Variants in WDR59 observed in about 807,000 individuals in gnomAD.
The protein encoded by WDR59 is GATOR2 complex protein WDR59.
A neutral mutation model predicts 131.2 loss-of-function variants in WDR59; 100 were observed. The ratio of observed to expected loss-of-function variants is 0.76; its 90% CI spans 0.65 to 0.90. The LOEUF is 0.90. WDR59 is among the 40% of genes least tolerant of loss of function. The probability of loss-of-function intolerance (pLI) is 0.00; values close to 1 mark genes in which losing one functional copy is unlikely to be tolerated. For missense variants in WDR59, 1,203 were observed against 1,262.2 expected (o/e 0.95, Z 0.71); for synonymous variants, 601 against 466.2 (o/e 1.29, Z -3.72).
rs781297127 is a variant in WDR59, at chr16:74,956,577, G to C, written c.138C>G (p.Ala46=). Residue 46 remains alanine, a synonymous_variant, in exon 3 of 26, where the codon GCC becomes GCG. Coordinates refer to ENST00000262144, the MANE Select transcript of WDR59 (RefSeq NM_030581.4). ...RRFLYIVNLD[A]PFEGHRKISR... is the part of the protein sequence containing the mutation. ...AGATCTTTCGGTGACCTTCGAAAGG[G>C]GCATCTAGATTGACGATGTATAAGA... 6.2e-7 allele frequency: 1 copy of C among 1,614,026 alleles called. No individual in the cohort carries two copies. The highest frequency in any genetic ancestry group is 8.5e-7 in the Non-Finnish European group (1 of 1,180,002).
At chr16:74,902,358 T>G (rs1013781844) in intron 18 of WDR59, among the ~76,000 whole-genome samples, 5 of 152,164 alleles carry the variant, frequency 3.3e-5, no homozygotes, top group African/African-American at 1.2e-4. Context: ...TCCACTCCCC[T>G]GCAGATACTA....
intron 8 of WDR59, among the ~76,000 whole-genome samples, chr16:74,926,929 T>C (rs775904597): frequency 1.3e-5 from 2 of 152,196 alleles, no homozygotes; most frequent in Non-Finnish European, 2.9e-5. Context: ...GAGTTCTATG[T>C]GCCAACAATG....
chr16:74,874,248 G>A lies in WDR59; in HGVS notation c.2886C>T (p.Thr962=), dbSNP rs61733724. 6,702 of 1,614,102 alleles carry A rather than the reference G, an allele frequency of 4.2e-3. 163 individuals are homozygous for A. In the African/African-American group the frequency reaches 0.058, roughly 14 times the overall value. Residue 962 remains threonine, a synonymous_variant, in exon 26 of 26, where the codon ACC becomes ACT. Coordinates refer to ENST00000262144, the MANE Select transcript of WDR59 (RefSeq NM_030581.4). ...CAAGCAGGCAGTGGCACCCACACCC[G>A]GTGGGACACACCTCCTGGGTCCGAA... ...EWFRTQEVCP[T]GCGCHCLLES...
At chr16:74,917,691 C>T (rs1477663573) in intron 11 of WDR59, among the ~76,000 whole-genome samples, 1 of 151,434 alleles carries the variant, frequency 6.6e-6, no homozygotes, top group Non-Finnish European at 1.5e-5. Flanking sequence ...CGCCTATAAT[C>T]CCAGCTACTC....
chr16:74,984,148 GCA>G (rs1351964036), intron 1 of WDR59, among the ~76,000 whole-genome samples: 1 of 151,946 alleles, frequency 6.6e-6, no homozygotes, highest in Non-Finnish European at 1.5e-5. Flanking sequence ...GTGGTGGTGC[GCA>G]CCTGTAATCC....
intron 1 of WDR59, among the ~76,000 whole-genome samples, chr16:74,973,607 C>T (rs950847935): frequency 2.0e-5 from 3 of 152,164 alleles, no homozygotes; most frequent in South Asian, 2.1e-4. Context: ...CTGAGCCATC[C>T]TTGTCTAATA....
At chr16:74,939,268 AT>A (rs1231165193) in intron 7 of WDR59, among the ~76,000 whole-genome samples, 1 of 152,142 alleles carries the variant, frequency 6.6e-6, no homozygotes, top group African/African-American at 2.4e-5. Flanking sequence ...TAAGGGAATA[AT>A]CCAAACTCAC....
intron 13 of WDR59, among the ~76,000 whole-genome samples, chr16:74,914,237 A>G (rs1315969609): frequency 6.6e-6 from 1 of 152,140 alleles, no homozygotes; most frequent in African/African-American, 2.4e-5. Context: ...GATGAACTTT[A>G]TACTGTGTGA....
intron 17 of WDR59, among the ~76,000 whole-genome samples, chr16:74,905,913 G>C (rs1345352058): frequency 6.6e-6 from 1 of 151,714 alleles, no homozygotes; most frequent in Non-Finnish European, 1.5e-5. Flanking sequence ...CCCCAAAATG[G>C]GCAAAATACT....
rs578113699 is a variant in WDR59 at position 74,906,803 on chromosome 16, A to C, written c.1712+2105T>G. Among the ~76,000 whole-genome samples the C allele has an allele frequency of 9.2e-5, 14 of 152,308 alleles. No homozygotes were observed. The East Asian group carries it at 2.7e-3, about 29-fold the overall frequency. On this transcript the variant is annotated intron_variant, in intron 17 of 25. Transcript: ENST00000262144. ...TTCAAGAACAGGCAAAACTACCATG[A>C]CAGAAGTCAAGAGAGTGGTGTCCTC... is the stretch of plus-strand genomic sequence containing the variant.
intron 3 of WDR59, among the ~76,000 whole-genome samples, chr16:74,953,979 G>T (rs181023844): frequency 1.3e-5 from 2 of 148,814 alleles, no homozygotes; most frequent in African/African-American, 5.0e-5. Context: ...TCCAGCCTGG[G>T]TGACAGAGCG....
chr16:74,896,633 T>TAAAA (rs554333270), intron 18 of WDR59, among the ~76,000 whole-genome samples: 1 of 138,838 alleles, frequency 7.2e-6, no homozygotes, highest in Admixed American at 7.3e-5. Flanking sequence ...AGACCCTGCC[T>TAAAA]AAAAAAAAAA....
Position 74,962,299 on chromosome 16 carries a change from A to G in WDR59, c.104+3474T>C, listed in dbSNP as rs547240549. 8.7e-4 allele frequency among the ~76,000 whole-genome samples: 133 copies of G among 152,158 alleles called. 2 individuals are homozygous for G. The highest frequency in any genetic ancestry group is 4.4e-3 in the Admixed American group (67 of 15,248). The stretch of plus-strand genomic sequence containing the variant: ...TCTTTTTGGGTTCCGTATGAATTTC[A>G]TAGTTTTTCTAATTCTGTGAAGAAT... On this transcript the variant is annotated intron_variant, in intron 2 of 25. Transcript: ENST00000262144.
chr16:74,910,664 A>C (rs1333320028), intron 14 of WDR59, among the ~76,000 whole-genome samples: 10 of 152,200 alleles, frequency 6.6e-5, no homozygotes, highest in Admixed American at 6.5e-4. Flanking sequence ...TGTCCTTCAA[A>C]AGTATAAATC....
chr16:74,937,875 A>T (rs2031925485), intron 8 of WDR59, among the ~76,000 whole-genome samples: 1 of 152,252 alleles, frequency 6.6e-6, no homozygotes, highest in Admixed American at 6.5e-5. Context: ...CCTTCTGAAC[A>T]AATTCTAAGA....
In WDR59 at chr16:74,885,733, A is replaced by G. The variant is rs1009340735; in HGVS notation, c.2609T>C (p.Leu870Pro). ...DDFKKCYGEI[L>P]YRWGLREKRA... is the part of the protein sequence containing the mutation. ...CTTCTCTCTCAGACCCCAACGGTAG[A>G]GGATTTCCCCATAGCATTTCTTAAA... Residue 870 changes from leucine to proline, a missense_variant, in exon 25 of 26, where the codon CTC becomes CCC. Leu to Pro is a moderately conservative substitution (Grantham distance 98). Transcript: ENST00000262144. The G allele has an allele frequency of 1.9e-6, 3 of 1,614,062 alleles. No individual in the cohort carries two copies. Among genetic ancestry groups the G allele is most frequent in the Non-Finnish European group, 2.5e-6 (3 of 1,180,048 alleles).
At chr16:74,960,461 T>C (rs1246266195) in intron 2 of WDR59, among the ~76,000 whole-genome samples, 1 of 150,198 alleles carries the variant, frequency 6.7e-6, no homozygotes, top group Non-Finnish European at 1.5e-5. Flanking sequence ...GAAGAGAAAA[T>C]GAGGTCAGGT....
At chr16:74,977,700 T>C (rs1207571183) in intron 1 of WDR59, among the ~76,000 whole-genome samples, 1 of 151,938 alleles carries the variant, frequency 6.6e-6, no homozygotes, top group Non-Finnish European at 1.5e-5. Flanking sequence ...AAAAGAAAAA[T>C]AAATAAATCA....
chr16:74,925,083 G>A (rs771951054), intron 8 of WDR59, among the ~76,000 whole-genome samples: 7 of 152,068 alleles, frequency 4.6e-5, no homozygotes, highest in Non-Finnish European at 7.4e-5. Context: ...ACCAAAAATG[G>A]TCCAAATGTC....
Sources: gnomAD v4.1 joint callset for allele counts (sites outside exome capture counted in the v4.1 genomes callset) on GRCh38, gnomAD v4.1.1 for gene constraint, MANE v1.5 for transcripts, NCBI Gene and HGNC (gene_info 2026-07-23, HGNC 2026-07-21) for gene names.